PHACTR3: variants seen among roughly 807,000 people sequenced by gnomAD.
The protein encoded by PHACTR3 is phosphatase and actin regulator 3.
PHACTR3 carries 16 observed loss-of-function variants against 66.8 expected under a neutral mutation model. The observed-to-expected ratio is 0.24, with a 90% CI of 0.16 to 0.36. The LOEUF is 0.36. PHACTR3 is among the 10% of genes least tolerant of loss of function. The pLI is 1.00. For synonymous variants in PHACTR3, 323 were observed against 292.1 expected (o/e 1.11, Z -1.08); for missense variants, 647 against 719.9 (o/e 0.90, Z 1.16).
intron 8 of PHACTR3, among the ~76,000 whole-genome samples, chr20:59,823,428 G>A (rs1374581151): frequency 3.9e-5 from 6 of 152,176 alleles, no homozygotes; most frequent in African/African-American, 1.4e-4. Context: ...TCAGCCCCAG[G>A]TGACTACTCA....
intron 11 of PHACTR3, among the ~76,000 whole-genome samples, chr20:59,842,603 GA>G (rs1293538134): frequency 6.6e-6 from 1 of 152,154 alleles, no homozygotes; most frequent in African/African-American, 2.4e-5. Context: ...GTTTATCTGA[GA>G]AAGAAGTACA....
chr20:59,841,734 G>A (rs2059065949), intron 11 of PHACTR3, among the ~76,000 whole-genome samples, 199 bp downstream of exon 11: 1 of 152,098 alleles, frequency 6.6e-6, no homozygotes, highest in African/African-American at 2.4e-5. Flanking sequence ...TGCCCCGAGG[G>A]ACATTTGGCA....
chr20:59,617,822 C>T (rs2034087926), intron 1 of PHACTR3, among the ~76,000 whole-genome samples: 1 of 152,206 alleles, frequency 6.6e-6, no homozygotes, highest in Non-Finnish European at 1.5e-5. Flanking sequence ...TCTTCTTTCT[C>T]CTTCCCTTCC....
At chr20:59,681,456 G>A (rs2036645760) in intron 1 of PHACTR3, among the ~76,000 whole-genome samples, 2 of 152,194 alleles carry the variant, frequency 1.3e-5, no homozygotes, top group Admixed American at 1.3e-4. Flanking sequence ...CTAGAGGAAT[G>A]CCACAGGGGT....
In PHACTR3 at chr20:59,703,655, C is replaced by A. The variant is rs115943477; in HGVS notation, c.119-39452C>A. Among the ~76,000 whole-genome samples the A allele has an allele frequency of 8.5e-3, 1,289 of 152,070 alleles. 22 individuals are homozygous for A. Among genetic ancestry groups the A allele is most frequent in the African/African-American group, 0.03 (1,226 of 41,452 alleles). Reference sequence around the variant, plus strand: ...AAAATAATTTTTACCCATAGTTCTTCTAGATATCATTAATATTTTGGTGTA... The same window carrying A: ...AAAATAATTTTTACCCATAGTTCTTATAGATATCATTAATATTTTGGTGTA... On this transcript the variant is annotated intron_variant, in intron 1 of 12. Transcript: ENST00000371015.
intron 7 of PHACTR3, among the ~76,000 whole-genome samples, chr20:59,793,848 A>G (rs1179625849): frequency 2.6e-5 from 4 of 152,004 alleles, no homozygotes; most frequent in Non-Finnish European, 4.4e-5. Flanking sequence ...TTAGCTGGGC[A>G]TGGTGGCTCA....
At chr20:59,688,286 C>T (rs944085076) in intron 1 of PHACTR3, among the ~76,000 whole-genome samples, 1 of 152,102 alleles carries the variant, frequency 6.6e-6, no homozygotes, top group African/African-American at 2.4e-5. Flanking sequence ...TTGCAGAGAA[C>T]TCTAGTGGAA....
rs555907836 is a variant in PHACTR3, at chr20:59,660,418, C to T, written c.118+55286C>T. On this transcript the variant is annotated intron_variant, in intron 1 of 12. Coordinates refer to ENST00000371015, the MANE Select transcript of PHACTR3 (RefSeq NM_080672.5). ...CTGAGGCAGGAGAATGGCGTGAATC[C>T]GGGAGGCGGAGCTTGCAGTGAGCCG... Among the ~76,000 whole-genome samples the T allele has an allele frequency of 9.6e-4, 146 of 152,326 alleles. 1 individual carries two copies. Among genetic ancestry groups the T allele is most frequent in the African/African-American group, 3.2e-3 (132 of 41,578 alleles).
chr20:59,626,306 A>G (rs1231632445), intron 1 of PHACTR3, among the ~76,000 whole-genome samples: 1 of 152,208 alleles, frequency 6.6e-6, no homozygotes, highest in Admixed American at 6.5e-5. Flanking sequence ...CAGCATAGAA[A>G]TAGATGTATG....
upstream of PHACTR3, chr20:59,603,531 C>T (rs1223579183): frequency 6.6e-6 from 1 of 152,558 alleles, no homozygotes; most frequent in Non-Finnish European, 1.5e-5. Flanking sequence ...ACACTGCACT[C>T]CCAGGCCCTG....
intron 1 of PHACTR3, among the ~76,000 whole-genome samples, chr20:59,708,814 A>G (rs2037811814): frequency 6.6e-6 from 1 of 152,220 alleles, no homozygotes; most frequent in Non-Finnish European, 1.5e-5. Flanking sequence ...AAACAGGGAT[A>G]GGATAACTGC....
intron 1 of PHACTR3, among the ~76,000 whole-genome samples, chr20:59,697,992 T>C (rs2037362189): frequency 6.6e-6 from 1 of 152,192 alleles, no homozygotes; most frequent in Non-Finnish European, 1.5e-5. Context: ...AAACAAATGC[T>C]TTGACTGTCC....
At chr20:59,760,659 A>G (rs911439809) in intron 4 of PHACTR3, among the ~76,000 whole-genome samples, 7 of 152,098 alleles carry the variant, frequency 4.6e-5, no homozygotes, top group Admixed American at 6.5e-5. Flanking sequence ...TTTCTTTATA[A>G]ATTACTCAGT....
At chr20:59,676,373 G>C (rs981537893) in intron 1 of PHACTR3, among the ~76,000 whole-genome samples, 2 of 152,242 alleles carry the variant, frequency 1.3e-5, no homozygotes, top group Non-Finnish European at 2.9e-5. Context: ...TGGGCGCCTG[G>C]CCCTGAGCAG....
intron 1 of PHACTR3, among the ~76,000 whole-genome samples, chr20:59,610,720 T>TG (rs1302628576): frequency 1.3e-5 from 2 of 152,230 alleles, no homozygotes; most frequent in Admixed American, 1.3e-4. Flanking sequence ...CTGCTTGGAT[T>TG]GTAAGCTCCC....
chr20:59,651,237 A>G (rs1268474309), intron 1 of PHACTR3, among the ~76,000 whole-genome samples: 1 of 152,164 alleles, frequency 6.6e-6, no homozygotes, highest in East Asian at 1.9e-4. Context: ...AAAAAATGTA[A>G]ATGAATAAAT....
chr20:59,744,006 C>T (rs1185881855), intron 2 of PHACTR3, among the ~76,000 whole-genome samples: 1 of 152,138 alleles, frequency 6.6e-6, no homozygotes, highest in Non-Finnish European at 1.5e-5. Context: ...TCCTCGGAAT[C>T]CAGCTTGGGA....
At chr20:59,646,872 GT>G (rs2035297534) in intron 1 of PHACTR3, among the ~76,000 whole-genome samples, 1 of 152,184 alleles carries the variant, frequency 6.6e-6, no homozygotes, top group South Asian at 2.1e-4. Context: ...CTCTGAAAGG[GT>G]TTTTCCCAGT....
chr20:59,830,603 GCT>G lies in PHACTR3; in HGVS notation c.1329-5899_1329-5898del, dbSNP rs2042338082. Among the ~76,000 whole-genome samples, 1 of 152,198 alleles carries G rather than the reference GCT, an allele frequency of 6.6e-6. No homozygotes were observed. The highest frequency in any genetic ancestry group is 1.5e-5 in the Non-Finnish European group (1 of 68,038). On this transcript the variant is annotated intron_variant, in intron 8 of 12. Coordinates refer to ENST00000371015, the MANE Select transcript of PHACTR3 (RefSeq NM_080672.5). This position sits in a 1 kb window ranked among gnomAD's most constrained non-coding sequence, Gnocchi z 5.8. The stretch of plus-strand genomic sequence containing the variant: ...GGCGCTGGGCAGGATGGAGCCTGCA[GCT>G]CTGCTGGCTGAAGGTGGAAGAGACC...
Sources: allele counts gnomAD v4.1 joint callset (sites outside exome capture counted in the v4.1 genomes callset), GRCh38; gene constraint gnomAD v4.1.1; non-coding constraint Gnocchi (gnomAD v3.1); transcripts MANE v1.5; gene names NCBI Gene and HGNC (gene_info 2026-07-23, HGNC 2026-07-21).